The following CAMK1D variants were observed in gnomAD, a reference collection of about 807,000 sequenced individuals.
The protein encoded by CAMK1D is calcium/calmodulin dependent protein kinase ID.
Under a neutral mutation model 47.7 loss-of-function variants are expected in CAMK1D, and 9 were observed. The ratio of observed to expected loss-of-function variants is 0.19; its 90% CI spans 0.11 to 0.33. The LOEUF is 0.33. Ranked by LOEUF, CAMK1D falls within the 10% of genes least tolerant of loss-of-function variation. The pLI, the probability that CAMK1D is intolerant of heterozygous loss-of-function variation, is 1.00. For synonymous variants in CAMK1D, 184 were observed against 184.9 expected (o/e 0.99, Z 0.04); for missense variants, 291 against 488.7 (o/e 0.60, Z 3.81).
At chr10:12,767,990 A>G (rs959072703) in intron 4 of CAMK1D, among the ~76,000 whole-genome samples, 1 of 152,174 alleles carries the variant, frequency 6.6e-6, no homozygotes, top group Non-Finnish European at 1.5e-5. Context: ...CTCCTGCCTC[A>G]GCCTCCCAAG....
intron 1 of CAMK1D, among the ~76,000 whole-genome samples, chr10:12,511,892 C>T (rs913020572): frequency 5.9e-5 from 9 of 152,212 alleles, no homozygotes; most frequent in Non-Finnish European, 1.0e-4. Flanking sequence ...GAGTATGTAC[C>T]CGTCCTGTGA....
chr10:12,409,768 C>T (rs914729579), intron 1 of CAMK1D, among the ~76,000 whole-genome samples: 4 of 152,224 alleles, frequency 2.6e-5, no homozygotes, highest in African/African-American at 9.6e-5. Context: ...TTAAGTACGT[C>T]CACAGCATTG....
chr10:12,503,186 A>T (rs886645359), intron 1 of CAMK1D, among the ~76,000 whole-genome samples: 1 of 152,160 alleles, frequency 6.6e-6, no homozygotes, highest in African/African-American at 2.4e-5. Context: ...GTATATATGT[A>T]CGTGTGGGTG....
intron 5 of CAMK1D, among the ~76,000 whole-genome samples, chr10:12,780,196 A>G (rs1403614817): frequency 6.6e-6 from 1 of 151,792 alleles, no homozygotes; most frequent in African/African-American, 2.4e-5. Flanking sequence ...GATTATGATG[A>G]GCTCTTGGAA....
chr10:12,476,797 G>A (rs1157139410), intron 1 of CAMK1D, among the ~76,000 whole-genome samples: 4 of 152,044 alleles, frequency 2.6e-5, no homozygotes, highest in South Asian at 2.1e-4. Flanking sequence ...GCCCTTCATC[G>A]TCTGGCCCCA....
chr10:12,631,811 T>C (rs17152029), intron 2 of CAMK1D, among the ~76,000 whole-genome samples: 35,661 of 151,944 alleles, frequency 0.23, 4,456 homozygotes, highest in South Asian at 0.33. Context: ...GTGTAAGTGC[T>C]CCAGGCAAAT....
intron 1 of CAMK1D, among the ~76,000 whole-genome samples, chr10:12,513,551 C>A (rs1047812671): frequency 6.6e-6 from 1 of 152,010 alleles, no homozygotes; most frequent in Non-Finnish European, 1.5e-5. Context: ...CTTTGGAGGC[C>A]GAGGCAGTCA....
rs564096510 is a variant in CAMK1D, at chr10:12,794,894, A to G, written c.641+3661A>G. Among the ~76,000 whole-genome samples the G allele has an allele frequency of 3.3e-5, 5 of 152,316 alleles. No individual in the cohort carries two copies. In the South Asian group the frequency reaches 1.0e-3, roughly 32 times the overall value. On this transcript the variant is annotated intron_variant, in intron 6 of 10. Coordinates refer to ENST00000619168, the MANE Select transcript of CAMK1D (RefSeq NM_153498.4). ...CCAGCCTCAACTTTATTATCAGTAG[A>G]TTAATCTCCTTATGAATTCATCTTT...
rs184586820 is a variant in CAMK1D at position 12,765,828 on chromosome 10, T to C, written c.439-3845T>C. Among the ~76,000 whole-genome samples, 223 of 152,202 alleles carry C rather than the reference T, an allele frequency of 1.5e-3. 1 individual carries two copies. The highest frequency in any genetic ancestry group is 5.2e-3 in the African/African-American group (215 of 41,520). ...TTTATAGCTGAGCTTGAGGAGGTGGTGTCTGACTTACATAAGGCACAAAAG... is the reference window on the plus strand; with the variant it reads ...TTTATAGCTGAGCTTGAGGAGGTGGCGTCTGACTTACATAAGGCACAAAAG... On this transcript the variant is annotated intron_variant, in intron 4 of 10. Transcript: ENST00000619168.
At chr10:12,489,160 G>A (rs1193262418) in intron 1 of CAMK1D, among the ~76,000 whole-genome samples, 4 of 152,058 alleles carry the variant, frequency 2.6e-5, no homozygotes, top group Non-Finnish European at 4.4e-5. Flanking sequence ...GGATGGTCTC[G>A]ATCCCCTGAC....
At chr10:12,432,812 T>G (rs1182689119) in intron 1 of CAMK1D, among the ~76,000 whole-genome samples, 3 of 152,238 alleles carry the variant, frequency 2.0e-5, no homozygotes, top group Admixed American at 6.5e-5. Context: ...TCTGCCCTCA[T>G]TGGGCTGGTC....
intron 3 of CAMK1D, among the ~76,000 whole-genome samples, chr10:12,710,279 A>G (rs1289579696): frequency 1.3e-5 from 2 of 152,184 alleles, no homozygotes; most frequent in Non-Finnish European, 2.9e-5. Context: ...ACGTAATGAC[A>G]TTGATTTACG....
intron 2 of CAMK1D, among the ~76,000 whole-genome samples, chr10:12,635,612 C>T (rs915167039): frequency 6.6e-5 from 10 of 152,208 alleles, no homozygotes; most frequent in African/African-American, 2.2e-4. Flanking sequence ...TCAGATCTAT[C>T]GGTTCATGGC....
At chr10:12,606,164 T>C (rs2132400688) in intron 2 of CAMK1D, among the ~76,000 whole-genome samples, 1 of 151,674 alleles carries the variant, frequency 6.6e-6, no homozygotes, top group South Asian at 2.1e-4. Context: ...GGTGCCGTCA[T>C]CCTCCTGTGA....
At chr10:12,448,023 T>G (rs1426295899) in intron 1 of CAMK1D, among the ~76,000 whole-genome samples, 1 of 151,288 alleles carries the variant, frequency 6.6e-6, no homozygotes, top group African/African-American at 2.4e-5. Context: ...GGCTAATTTT[T>G]TTCTGTTTTT....
At chr10:12,572,810 T>A (rs1303109708) in intron 2 of CAMK1D, among the ~76,000 whole-genome samples, 2 of 152,032 alleles carry the variant, frequency 1.3e-5, no homozygotes, top group African/African-American at 4.8e-5. Flanking sequence ...TAAAATTTTT[T>A]TGTAGAGATG....
chr10:12,801,354 T>TCTATCTTATC (rs57429397), intron 6 of CAMK1D, among the ~76,000 whole-genome samples: 1 of 66,490 alleles, frequency 1.5e-5, no homozygotes, highest in Admixed American at 1.7e-4. Context: ...TCTATCTATC[T>TCTATCTTATC]TATCTATCTA....
At chr10:12,594,817 C>A (rs147302212) in intron 2 of CAMK1D, among the ~76,000 whole-genome samples, 1 of 152,124 alleles carries the variant, frequency 6.6e-6, no homozygotes, top group Admixed American at 6.5e-5. Context: ...CGGCCTCATG[C>A]GGTGTTCAAG....
At chr10:12,610,567 T>C (rs1433559901) in intron 2 of CAMK1D, among the ~76,000 whole-genome samples, 3 of 152,182 alleles carry the variant, frequency 2.0e-5, no homozygotes, top group Non-Finnish European at 2.9e-5. Context: ...GGTTTGAGCA[T>C]AGAGCCTTGT....
Sources: gnomAD v4.1 joint callset for allele counts (sites outside exome capture counted in the v4.1 genomes callset) on GRCh38, gnomAD v4.1.1 for gene constraint, MANE v1.5 for transcripts, NCBI Gene and HGNC (gene_info 2026-07-23, HGNC 2026-07-21) for gene names.